Variants in CLSTN2 observed in about 807,000 individuals in gnomAD.
CLSTN2 encodes calsyntenin 2.
A neutral mutation model predicts 101.2 loss-of-function variants in CLSTN2; 48 were observed. The ratio of observed to expected loss-of-function variants is 0.47; its 90% confidence interval spans 0.38 to 0.60. The LOEUF (loss-of-function observed/expected upper bound fraction) is 0.60, where lower values mean the gene tolerates loss of function less well. Ranked by LOEUF, CLSTN2 falls within the 20% of genes least tolerant of loss-of-function variation. CLSTN2 has a pLI of 0.00. For missense variants in CLSTN2, 1,160 were observed against 1,238.2 expected, an observed-to-expected ratio of 0.94 and a Z score of 0.95; for synonymous variants, 481 against 463.6, an observed-to-expected ratio of 1.04 and a Z score of -0.48.
intron 2 of CLSTN2, among the ~76,000 whole-genome samples, chr3:140,286,201 C>G (rs2086894541): frequency 6.6e-6 from 1 of 152,118 alleles, no homozygotes; most frequent in African/African-American, 2.4e-5. Context: ...ATGGAGGCCA[C>G]CCCAATAGCC....
At chr3:140,413,739 A>G (rs1157617341) in intron 4 of CLSTN2, among the ~76,000 whole-genome samples, 1 of 152,182 alleles carries the variant, frequency 6.6e-6, no homozygotes, top group Non-Finnish European at 1.5e-5. Flanking sequence ...GATGCAAAGA[A>G]AGTTCAACAT....
At chr3:140,503,897 G>C (rs1395745396) in intron 8 of CLSTN2, among the ~76,000 whole-genome samples, 1 of 152,144 alleles carries the variant, frequency 6.6e-6, no homozygotes, top group Non-Finnish European at 1.5e-5. Flanking sequence ...GGGCTCCTTA[G>C]GAAGAACTGC....
At chr3:140,004,271 G>T (rs1353862367) in intron 1 of CLSTN2, among the ~76,000 whole-genome samples, 1 of 152,242 alleles carries the variant, frequency 6.6e-6, no homozygotes, top group African/African-American at 2.4e-5. Context: ...AACAAAGAGA[G>T]ATAGCTAATA....
At chr3:139,958,084 C>G (rs1014934708) in intron 1 of CLSTN2, among the ~76,000 whole-genome samples, 1 of 152,158 alleles carries the variant, frequency 6.6e-6, no homozygotes, top group African/African-American at 2.4e-5. Context: ...AGCCAGGGTG[C>G]CTGGCTGCTT....
At position 140,057,561 on chromosome 3, in the gene CLSTN2, AG is replaced by A. The variant is rs372653701; in HGVS notation, c.110-118389del. Reference sequence around the variant, plus strand: ...TTTTCCTGCATAGTATTTCTAGAAAAGTTAATCGCCTCATTAGTCATATTTA... The same window carrying A: ...TTTTCCTGCATAGTATTTCTAGAAAATTAATCGCCTCATTAGTCATATTTA... On this transcript the variant is annotated intron_variant, in intron 1 of 16. Transcript: ENST00000458420. Among the ~76,000 whole-genome samples the A allele has an allele frequency of 3.6e-3, 554 of 152,316 alleles. 5 individuals carry two copies. Among genetic ancestry groups the A allele is most frequent in the African/African-American group, 0.012 (518 of 41,578 alleles).
intron 8 of CLSTN2, among the ~76,000 whole-genome samples, chr3:140,476,850 G>T (rs989354074): frequency 4.6e-5 from 7 of 151,912 alleles, no homozygotes; most frequent in African/African-American, 1.7e-4. Flanking sequence ...TAGTACAGAT[G>T]GGATTTCACT....
chr3:140,279,961 G>A (rs1039595880), intron 2 of CLSTN2, among the ~76,000 whole-genome samples: 1 of 152,122 alleles, frequency 6.6e-6, no homozygotes, highest in East Asian at 1.9e-4. Flanking sequence ...CAGTCCCTTG[G>A]TGGCTCGCTC....
intron 2 of CLSTN2, among the ~76,000 whole-genome samples, chr3:140,314,852 T>C (rs1188385408): frequency 6.6e-6 from 1 of 152,030 alleles, no homozygotes; most frequent in African/African-American, 2.4e-5. Context: ...GGTGTAACTA[T>C]CTATGTAAAT....
intron 2 of CLSTN2, among the ~76,000 whole-genome samples, chr3:140,180,532 T>G (rs1003533234): frequency 2.0e-5 from 3 of 152,088 alleles, no homozygotes; most frequent in African/African-American, 7.2e-5. Context: ...TGGCAAAAAA[T>G]GATAATGAAA....
intron 1 of CLSTN2, among the ~76,000 whole-genome samples, chr3:140,148,590 A>C (rs951066716): frequency 1.3e-5 from 2 of 152,180 alleles, no homozygotes; most frequent in Non-Finnish European, 2.9e-5. Flanking sequence ...GAGGAAATTC[A>C]CTTAATGTGT....
At chr3:140,102,363 TG>T (rs2008981488) in intron 1 of CLSTN2, among the ~76,000 whole-genome samples, 1 of 152,190 alleles carries the variant, frequency 6.6e-6, no homozygotes, top group Non-Finnish European at 1.5e-5. Flanking sequence ...GCAAGAAGCC[TG>T]TTGTGCTCAG....
intron 2 of CLSTN2, among the ~76,000 whole-genome samples, chr3:140,279,936 A>C (rs1576497060): frequency 6.6e-6 from 1 of 152,098 alleles, no homozygotes; most frequent in South Asian, 2.1e-4. Flanking sequence ...ATAAGCCATC[A>C]CCTGGTGGCT....
At chr3:140,536,692 C>T (rs946942556) in intron 9 of CLSTN2, among the ~76,000 whole-genome samples, 1 of 152,176 alleles carries the variant, frequency 6.6e-6, no homozygotes, top group Non-Finnish European at 1.5e-5. Flanking sequence ...GGTGAATTTT[C>T]AGCAGAGGAA....
chr3:140,245,662 A>T lies in CLSTN2; in HGVS notation c.232+69589A>T, dbSNP rs1365980889. Among the ~76,000 whole-genome samples the T allele has an allele frequency of 8.6e-4, 8 of 9,356 alleles. No homozygotes were observed. The Non-Finnish European group carries it at 0.028, about 32-fold the overall frequency. The allele number at this position is 9,356 out of a possible 152,430, so 6.1% of individuals were successfully genotyped here. A position where few individuals can be genotyped will look rare whatever the true frequency, so the allele number is the denominator to read the frequency against. ...CAGAGACCATTAGCTCCGCCCTCCCACAAAAAAAATGTGACAACTGACAAA... is the reference window on the plus strand; with the variant it reads ...CAGAGACCATTAGCTCCGCCCTCCCTCAAAAAAAATGTGACAACTGACAAA... On this transcript the variant is annotated intron_variant, in intron 2 of 16. Coordinates refer to ENST00000458420, the MANE Select transcript of CLSTN2 (RefSeq NM_022131.3).
intron 1 of CLSTN2, among the ~76,000 whole-genome samples, chr3:140,066,625 A>C (rs933999298): frequency 2.0e-5 from 3 of 152,208 alleles, no homozygotes; most frequent in African/African-American, 7.2e-5. Flanking sequence ...ATGTCAAGAC[A>C]ATCCACCATT....
intron 1 of CLSTN2, among the ~76,000 whole-genome samples, chr3:140,051,177 C>T (rs1443835045): frequency 6.6e-6 from 1 of 152,180 alleles, no homozygotes; most frequent in Non-Finnish European, 1.5e-5. Flanking sequence ...CTTCGCTGAT[C>T]GTGTGAACAG....
At chr3:140,401,867 G>C (rs1249687973) in intron 2 of CLSTN2, among the ~76,000 whole-genome samples, 1 of 152,158 alleles carries the variant, frequency 6.6e-6, no homozygotes, top group Non-Finnish European at 1.5e-5. Context: ...CTCCTGCCCT[G>C]GAGGCTGCAG....
intron 2 of CLSTN2, among the ~76,000 whole-genome samples, chr3:140,177,557 A>G (rs2010344392): frequency 6.6e-6 from 1 of 152,136 alleles, no homozygotes; most frequent in Non-Finnish European, 1.5e-5. Context: ...TGGGAGGCTG[A>G]GGCAGGAGAA....
At chr3:140,052,847 ACCTTCCTGAG>A in intron 1 of CLSTN2, among the ~76,000 whole-genome samples, 1 of 152,170 alleles carries the variant, frequency 6.6e-6, no homozygotes, top group East Asian at 1.9e-4. Flanking sequence ...ACATTACCTA[ACCTTCCTGAG>A]CCTTCCTTCT....
Sources: allele counts gnomAD v4.1 joint callset (sites outside exome capture counted in the v4.1 genomes callset), GRCh38; gene constraint gnomAD v4.1.1; transcripts MANE v1.5; gene names NCBI Gene and HGNC (gene_info 2026-07-23, HGNC 2026-07-21).